The following LIN7A variants were observed in gnomAD, a reference collection of about 807,000 sequenced individuals.
LIN7A encodes protein lin-7 homolog A.
LIN7A carries 25 observed loss-of-function variants against 29.8 expected under a neutral mutation model. The observed-to-expected ratio is 0.84, with a 90% confidence interval of 0.61 to 1.17. The LOEUF (loss-of-function observed/expected upper bound fraction) is 1.17. LIN7A is among the 50% of genes most tolerant of loss of function. The probability of loss-of-function intolerance (pLI) is 0.00; values close to 1 mark genes in which losing one functional copy is unlikely to be tolerated. For synonymous variants in LIN7A, 118 were observed against 107.5 expected, an observed-to-expected ratio of 1.10 and a Z score of -0.60; for missense variants, 239 against 287.0, an observed-to-expected ratio of 0.83 and a Z score of 1.21.
intron 4 of LIN7A, chr12:80,845,437 G>C (rs1319922657): frequency 3.5e-6 from 1 of 282,302 alleles, no homozygotes; most frequent in Non-Finnish European, 6.5e-6. Context: ...TGAAATTACT[G>C]TATTCTTGTA....
intron 4 of LIN7A, among the ~76,000 whole-genome samples, chr12:80,823,640 T>C (rs1871922860): frequency 6.6e-6 from 1 of 152,190 alleles, no homozygotes; most frequent in Admixed American, 6.5e-5. Context: ...CCAGGCTGAA[T>C]GTGTGGAACA....
At chr12:80,923,591 T>C (rs1592953644) in intron 1 of LIN7A, among the ~76,000 whole-genome samples, 2 of 152,234 alleles carry the variant, frequency 1.3e-5, no homozygotes, top group Non-Finnish European at 2.9e-5. Flanking sequence ...GTAAGTTCCT[T>C]TTGTAAGCAT....
intron 2 of LIN7A, among the ~76,000 whole-genome samples, chr12:80,877,587 C>T (rs1214096005): frequency 1.3e-5 from 2 of 151,740 alleles, no homozygotes; most frequent in Admixed American, 6.6e-5. Flanking sequence ...ATCTATATTT[C>T]CCTATGAGAC....
In LIN7A at chr12:80,811,621, G is replaced by C. The variant is rs1352806037; in HGVS notation, c.546C>G (p.Val182=). ...VELLKAAKDS[V]KLVVRYTPKV... Reference sequence around the variant, plus strand: ...TTGGGGTGTATCGCACCACCAGCTTGACGCTGTCTTTAGCAGCCTTGAGTA... The same window carrying C: ...TTGGGGTGTATCGCACCACCAGCTTCACGCTGTCTTTAGCAGCCTTGAGTA... Residue 182 remains valine (V), a synonymous_variant, in exon 5 of 6, where the codon GTC becomes GTG. Transcript: ENST00000552864. 26 of 1,613,932 alleles carry C rather than the reference G, an allele frequency of 1.6e-5. No homozygotes were observed. The highest frequency in any genetic ancestry group is 2.7e-5 in the African/African-American group (2 of 74,878).
chr12:80,820,913 A>G (rs1160671102), intron 4 of LIN7A, among the ~76,000 whole-genome samples: 1 of 152,134 alleles, frequency 6.6e-6, no homozygotes. Flanking sequence ...CCAATGAGCA[A>G]AGGCTTAGAA....
intron 5 of LIN7A, among the ~76,000 whole-genome samples, chr12:80,808,574 C>T (rs13313238): frequency 0.25 from 36,813 of 149,914 alleles, 5,267 homozygotes; most frequent in Non-Finnish European, 0.33. Context: ...GACGCGATCT[C>T]GGCTTACTGC....
At chr12:80,845,236 CAAAAA>C (rs68031488) in intron 4 of LIN7A, among the ~76,000 whole-genome samples, 17,538 of 118,908 alleles carry the variant, frequency 0.15, 1,193 homozygotes, top group African/African-American at 0.25. Flanking sequence ...GATTCCATCT[CAAAAA>C]AAAAAAAAAA....
chr12:80,817,235 G>T (rs563001161), intron 4 of LIN7A, among the ~76,000 whole-genome samples: 1 of 152,102 alleles, frequency 6.6e-6, no homozygotes, highest in Non-Finnish European at 1.5e-5. Flanking sequence ...AATTTGAATT[G>T]CACTACATAC....
intron 1 of LIN7A, among the ~76,000 whole-genome samples, chr12:80,915,163 A>C (rs1157315037): frequency 6.6e-6 from 1 of 151,574 alleles, no homozygotes; most frequent in Non-Finnish European, 1.5e-5. Flanking sequence ...AAAAAAAAAA[A>C]AAACAAAAAA....
chr12:80,908,009 A>C (rs1026168551), intron 1 of LIN7A, among the ~76,000 whole-genome samples: 1 of 152,118 alleles, frequency 6.6e-6, no homozygotes, highest in Non-Finnish European at 1.5e-5. Context: ...AAACCAAGTA[A>C]GATAAAGTTA....
chr12:80,863,818 T>C (rs1220983317), intron 2 of LIN7A, among the ~76,000 whole-genome samples: 1 of 152,156 alleles, frequency 6.6e-6, no homozygotes, highest in South Asian at 2.1e-4. Flanking sequence ...TGCTTAACCA[T>C]AGGGTAAGGA....
At chr12:80,842,076 C>G in intron 4 of LIN7A, 1 of 1,286,406 alleles carries the variant, frequency 7.8e-7, no homozygotes. Context: ...ATTTTCTCTC[C>G]CAATGATTGC....
intron 1 of LIN7A, among the ~76,000 whole-genome samples, chr12:80,906,731 C>T (rs967348398): frequency 6.6e-6 from 1 of 152,160 alleles, no homozygotes; most frequent in East Asian, 1.9e-4. Context: ...TGCTGATTAC[C>T]TGGGTGACAA....
intron 4 of LIN7A, among the ~76,000 whole-genome samples, chr12:80,831,112 C>G (rs1276089666): frequency 1.3e-5 from 2 of 152,110 alleles, no homozygotes; most frequent in African/African-American, 4.8e-5. Context: ...AGAATCCTGA[C>G]TGCTTCAAAT....
At chr12:80,896,587 T>C (rs1206578341) in intron 1 of LIN7A, among the ~76,000 whole-genome samples, 1 of 152,178 alleles carries the variant, frequency 6.6e-6, no homozygotes, top group African/African-American at 2.4e-5. Context: ...TGCCAACAAC[T>C]TGCTGCGTTC....
chr12:80,856,127 A>G (rs981474485), intron 2 of LIN7A, among the ~76,000 whole-genome samples: 4 of 152,170 alleles, frequency 2.6e-5, no homozygotes, highest in African/African-American at 9.6e-5. Context: ...ATTAAATGGC[A>G]ATGGTACAGA....
intron 1 of LIN7A, among the ~76,000 whole-genome samples, chr12:80,905,794 T>C (rs1367769866): frequency 6.6e-6 from 1 of 152,172 alleles, no homozygotes; most frequent in Non-Finnish European, 1.5e-5. Context: ...TATATTGCTG[T>C]ATTTTTGTGT....
intron 4 of LIN7A, among the ~76,000 whole-genome samples, chr12:80,822,022 G>T (rs1315976168): frequency 6.6e-6 from 1 of 152,166 alleles, no homozygotes; most frequent in Non-Finnish European, 1.5e-5. Context: ...GCACTAACGA[G>T]CCCAAAGTAT....
intron 4 of LIN7A, among the ~76,000 whole-genome samples, chr12:80,818,597 T>A (rs1871646025): frequency 6.6e-6 from 1 of 152,194 alleles, no homozygotes; most frequent in Non-Finnish European, 1.5e-5. Context: ...TGCTTACTGA[T>A]AGAGATGTTT....
Sources: gnomAD v4.1 joint callset for allele counts (sites outside exome capture counted in the v4.1 genomes callset) on GRCh38, gnomAD v4.1.1 for gene constraint, MANE v1.5 for transcripts, NCBI Gene and HGNC (gene_info 2026-07-23, HGNC 2026-07-21) for gene names.